The following MGAM2 variants were observed in gnomAD, a reference collection of about 807,000 sequenced individuals.
The protein encoded by MGAM2 is maltase-glucoamylase 2 (putative), also known as probable maltase-glucoamylase 2.
MGAM2 carries 98 observed loss-of-function variants against 96.1 expected under a neutral mutation model. That is an observed-to-expected ratio of 1.02 (90% confidence interval 0.87 to 1.21). The LOEUF (loss-of-function observed/expected upper bound fraction) is 1.21, where lower values mean the gene tolerates loss of function less well. Among genes scored for constraint, MGAM2 ranks in the 50% most tolerant of loss-of-function variants. The pLI is 0.00. For synonymous variants in MGAM2, 749 were observed against 414.8 expected, an observed-to-expected ratio of 1.81 and a Z score of -9.79; for missense variants, 2,055 against 1,182.4, an observed-to-expected ratio of 1.74 and a Z score of -10.82.
intron 3 of MGAM2, among the ~76,000 whole-genome samples, chr7:142,128,155 C>T (rs1171803041): frequency 6.6e-6 from 1 of 152,116 alleles, no homozygotes; most frequent in Non-Finnish European, 1.5e-5. Flanking sequence ...ATCTGTGGAA[C>T]TTTGAACTTG....
chr7:142,218,142 C>T (rs1049956682), intron 46 of MGAM2, among the ~76,000 whole-genome samples: 3 of 151,980 alleles, frequency 2.0e-5, no homozygotes, highest in Non-Finnish European at 4.4e-5. Context: ...ATCCTAAATA[C>T]CCTGATTTGA....
intron 2 of MGAM2, among the ~76,000 whole-genome samples, chr7:142,118,164 G>A (rs566087621): frequency 1.0e-3 from 153 of 151,412 alleles, no homozygotes; most frequent in African/African-American, 3.5e-3. Context: ...TAGCAACTCC[G>A]CACTCCCTCT....
intron 30 of MGAM2, among the ~76,000 whole-genome samples, 172 bp downstream of exon 30, chr7:142,172,936 A>G (rs1053619507): frequency 1.3e-4 from 20 of 152,212 alleles, no homozygotes; most frequent in African/African-American, 4.8e-4. Flanking sequence ...AAGCCATATT[A>G]ATATCCCATG....
Position 142,207,987 on chromosome 7 carries a change from A to G in MGAM2, c.5138-586A>G, listed in dbSNP as rs146449596. 9.2e-5 allele frequency among the ~76,000 whole-genome samples: 14 copies of G among 152,266 alleles called. 1 individual carries two copies. The East Asian group carries it at 2.7e-3, about 29-fold the overall frequency. On this transcript the variant is annotated intron_variant, in intron 45 of 47. Coordinates refer to ENST00000477922, the MANE Select transcript of MGAM2 (RefSeq NM_001293626.2). ...ATGGTGAAGGTGAAGATTGATGACG[A>G]CTTTGACGACAGTGAGCAATCAATT...
In MGAM2 at chr7:142,131,548, C is replaced by A. The variant is rs775270450; in HGVS notation, c.341C>A (p.Ser114Ter). The A allele has an allele frequency of 2.8e-6, 2 of 702,902 alleles. No homozygotes were observed. Among genetic ancestry groups the A allele is most frequent in the Non-Finnish European group, 5.2e-6 (2 of 384,964 alleles). The allele number at this position is 702,902 out of a possible 1,614,324, so 43.5% of individuals were successfully genotyped here. A position where few individuals can be genotyped will look rare whatever the true frequency, so the allele number is the denominator to read the frequency against. Residue 114 changes from serine to a stop codon, truncating the protein, a stop_gained, in exon 5 of 48, where the codon TCA becomes TAA. Transcript: ENST00000477922. LOFTEE classifies it high-confidence loss of function. ...GFTAQLKRLP[S>*]PSLFGNDVAT... The stretch of plus-strand genomic sequence containing the variant: ...ACTGCCCAGTTGAAAAGGTTGCCAT[C>A]ACCATCTCTGTTTGGAAATGATGTC...
At chr7:142,215,472 A>C (rs1262683761) in intron 46 of MGAM2, among the ~76,000 whole-genome samples, 1 of 152,010 alleles carries the variant, frequency 6.6e-6, no homozygotes, top group Non-Finnish European at 1.5e-5. Flanking sequence ...AAAAAAAAAA[A>C]ACATTTGGCT....
intron 32 of MGAM2, among the ~76,000 whole-genome samples, chr7:142,182,569 C>G (rs537424277): frequency 6.6e-6 from 1 of 152,234 alleles, no homozygotes; most frequent in Non-Finnish European, 1.5e-5. Context: ...CAGGCTTGAG[C>G]TCTGCCTCTG....
At chr7:142,152,511 G>T (rs1364781014) in intron 15 of MGAM2, among the ~76,000 whole-genome samples, 4 of 152,110 alleles carry the variant, frequency 2.6e-5, no homozygotes, top group Admixed American at 1.3e-4. Flanking sequence ...TCTCCCTTTT[G>T]CCATTATAAG....
At chr7:142,168,887 C>A (rs760688989) in intron 26 of MGAM2, among the ~76,000 whole-genome samples, 1 of 152,172 alleles carries the variant, frequency 6.6e-6, no homozygotes, top group Non-Finnish European at 1.5e-5. Flanking sequence ...TAGTGAATCT[C>A]AATTCAGACT....
chr7:142,174,591 A>G (rs1224065535), intron 31 of MGAM2, among the ~76,000 whole-genome samples: 1 of 151,978 alleles, frequency 6.6e-6, no homozygotes, highest in East Asian at 1.9e-4. Context: ...GGAGTTTTCT[A>G]GATATAGGAT....
intron 32 of MGAM2, among the ~76,000 whole-genome samples, chr7:142,181,522 T>C (rs944164781): frequency 6.6e-6 from 1 of 152,208 alleles, no homozygotes; most frequent in African/African-American, 2.4e-5. Flanking sequence ...GATCCAGAGA[T>C]GGCCCCCTTC....
chr7:142,155,337 G>T (rs1303387380), intron 17 of MGAM2, among the ~76,000 whole-genome samples: 2 of 152,098 alleles, frequency 1.3e-5, no homozygotes, highest in Admixed American at 6.5e-5. Flanking sequence ...CCACCTTTAG[G>T]CTCGTCTACC....
intron 15 of MGAM2, among the ~76,000 whole-genome samples, chr7:142,151,501 C>T (rs1217223924): frequency 6.6e-6 from 1 of 152,140 alleles, no homozygotes; most frequent in Non-Finnish European, 1.5e-5. Flanking sequence ...GACTCAATTT[C>T]CTCATCTCTG....
chr7:142,195,587 C>A (rs1393718324), intron 37 of MGAM2, among the ~76,000 whole-genome samples: 1 of 151,150 alleles, frequency 6.6e-6, no homozygotes, highest in Non-Finnish European at 1.5e-5. Context: ...GAATTCCTGA[C>A]CTCAAGTGAT....
At chr7:142,142,524 GTTTTTTTTTT>G (rs746342532) in intron 12 of MGAM2, among the ~76,000 whole-genome samples, 5 of 78,892 alleles carry the variant, frequency 6.3e-5, no homozygotes, top group African/African-American at 2.0e-4. Flanking sequence ...AGTGGTGTGT[GTTTTTTTTTT>G]TTTTTTTTTT....
chr7:142,117,941 C>G (rs1248956854), intron 2 of MGAM2, among the ~76,000 whole-genome samples: 1 of 149,604 alleles, frequency 6.7e-6, no homozygotes, highest in African/African-American at 2.5e-5. Flanking sequence ...GTTTTTTTTT[C>G]TTCTGTTTTT....
At chr7:142,119,319 T>A (rs1479965132) in intron 2 of MGAM2, among the ~76,000 whole-genome samples, 1 of 152,186 alleles carries the variant, frequency 6.6e-6, no homozygotes, top group Non-Finnish European at 1.5e-5. Context: ...CCCATGAAAG[T>A]ATATTCAACA....
At chr7:142,157,915 C>T (rs1357956570) in intron 17 of MGAM2, 22 bp from the exon 18 acceptor site, 4 of 701,448 alleles carry the variant, frequency 5.7e-6, no homozygotes, top group Admixed American at 2.0e-5. Context: ...AATATTCAGC[C>T]ATTCCTTCCA....
rs193126403 is a variant in MGAM2 at position 142,121,558 on chromosome 7, C to A, written c.186+1177C>A. ...TTGCATGTGAATTATGATGTTTTCC[C>A]TACGTATTTCACATCCTTGGTTTCT... On this transcript the variant is annotated intron_variant, in intron 3 of 47. Transcript: ENST00000477922. Among the ~76,000 whole-genome samples, 475 of 152,062 alleles carry A rather than the reference C, an allele frequency of 3.1e-3. 2 individuals carry two copies. The highest frequency in any genetic ancestry group is 0.011 in the African/African-American group (451 of 41,496).
Sources: allele counts gnomAD v4.1 joint callset (sites outside exome capture counted in the v4.1 genomes callset), GRCh38; gene constraint gnomAD v4.1.1; transcripts MANE v1.5; gene names NCBI Gene and HGNC (gene_info 2026-07-23, HGNC 2026-07-21).